Variants in E2F5 observed in about 807,000 individuals in gnomAD.
E2F5 encodes the protein E2F transcription factor 5, also known as transcription factor E2F5.
Under a neutral mutation model 39.1 loss-of-function variants are expected in E2F5, and 23 were observed. That is an observed-to-expected ratio of 0.59 (90% CI 0.42 to 0.83). E2F5 has a LOEUF of 0.83. Ranked by LOEUF, E2F5 falls within the 40% of genes least tolerant of loss-of-function variation. The pLI is 0.00. For missense variants in E2F5, 365 were observed against 406.7 expected (o/e 0.90, Z 0.88); for synonymous variants, 145 against 157.8 (o/e 0.92, Z 0.61).
At chr8:85,182,980 G>A (rs754934354) in intron 1 of E2F5, among the ~76,000 whole-genome samples, 5 of 152,166 alleles carry the variant, frequency 3.3e-5, no homozygotes, top group Non-Finnish European at 5.9e-5. Flanking sequence ...GGCCGGGCCC[G>A]GTGGTTCACG....
chr8:85,180,794 T>C (rs944933704), intron 1 of E2F5, among the ~76,000 whole-genome samples: 26 of 151,546 alleles, frequency 1.7e-4, no homozygotes, highest in Admixed American at 1.6e-3. Context: ...TTAGCCAGGA[T>C]GGTCTCGATC....
intron 1 of E2F5, among the ~76,000 whole-genome samples, chr8:85,184,723 CAGACAA>C (rs1812292153): frequency 6.6e-6 from 1 of 152,118 alleles, no homozygotes; most frequent in African/African-American, 2.4e-5. Context: ...ACACCAGTAA[CAGACAA>C]AGAGCCAAAT....
chr8:85,177,817 C>A, intron 1 of E2F5, 163 bp downstream of exon 1: 1 of 1,122,718 alleles, frequency 8.9e-7, no homozygotes, highest in South Asian at 4.5e-5. Flanking sequence ...GGGTCGTGGA[C>A]GCCGGGATGG....
At chr8:85,182,769 C>T (rs946920672) in intron 1 of E2F5, among the ~76,000 whole-genome samples, 5 of 152,120 alleles carry the variant, frequency 3.3e-5, no homozygotes, top group Non-Finnish European at 5.9e-5. Context: ...ATTTTGGTGT[C>T]AGTATGAGCT....
At chr8:85,211,398 G>A (rs572820380) in intron 6 of E2F5, among the ~76,000 whole-genome samples, 12 of 151,902 alleles carry the variant, frequency 7.9e-5, no homozygotes, top group African/African-American at 2.7e-4. Context: ...GCGAGATCCT[G>A]TCTCAAAATA....
chr8:85,177,447 G>A lies in E2F5; in HGVS notation c.27G>A (p.Ser9=), dbSNP rs1056259238. 1.0e-6 allele frequency: 1 copy of A among 994,754 alleles called. No homozygotes were observed. Among genetic ancestry groups the A allele is most frequent in the Non-Finnish European group, 1.2e-6 (1 of 837,398 alleles). The allele number at this position is 994,754 out of a possible 1,614,324, so 61.6% of individuals were successfully genotyped here. The change falls in exon 1 of 8, where the codon TCG becomes TCA. Residue 9 remains serine (S), a synonymous_variant. Transcript: ENST00000416274. ...TGGCGGCGGCAGAGCCCGCGAGCTC[G>A]GGCCAGCAGGCGCCGGCAGGGCAGG... The part of the protein sequence containing the change: MAAAEPAS[S]GQQAPAGQGQ...
At chr8:85,195,857 A>G (rs1231279778) in intron 1 of E2F5, among the ~76,000 whole-genome samples, 1 of 152,142 alleles carries the variant, frequency 6.6e-6, no homozygotes, top group Non-Finnish European at 1.5e-5. Context: ...TTAATAATTT[A>G]TAGGTTTCTG....
chr8:85,213,192 C>T (rs751660070), intron 7 of E2F5: 1 of 152,144 alleles, frequency 6.6e-6, no homozygotes, highest in East Asian at 1.9e-4. Flanking sequence ...GCCACTGCAC[C>T]TGGCCTCGTT....
chr8:85,203,559 G>T (rs1812738537), intron 3 of E2F5, among the ~76,000 whole-genome samples: 1 of 151,854 alleles, frequency 6.6e-6, no homozygotes, highest in Admixed American at 6.6e-5. Flanking sequence ...GGAAATCTGT[G>T]AATATTAGAA....
At chr8:85,211,609 C>CAGT (rs1423295500) in intron 6 of E2F5, among the ~76,000 whole-genome samples, 1 of 139,390 alleles carries the variant, frequency 7.2e-6, no homozygotes, top group African/African-American at 2.7e-5. Flanking sequence ...AAAACTGAGT[C>CAGT]AGTTTTGGTA....
chr8:85,214,195 CA>C lies in E2F5; in HGVS notation c.*335del. The C allele has an allele frequency of 1.9e-6, 1 of 535,236 alleles. No individual in the cohort carries two copies. The highest frequency in any genetic ancestry group is 4.8e-5 in the East Asian group (1 of 20,782). The allele number at this position is 535,236 out of a possible 1,614,324, so 33.2% of individuals were successfully genotyped here. On this transcript the variant is annotated 3_prime_UTR_variant, in exon 8 of 8. Coordinates refer to ENST00000416274, the MANE Select transcript of E2F5 (RefSeq NM_001951.4). ...AAAGGACACTACAGGTCATCAAAAA[CA>C]AGTTGGCCAAGGACTCATTACTTGT...
chr8:85,179,681 A>G (rs1159163723), intron 1 of E2F5, among the ~76,000 whole-genome samples: 1 of 150,762 alleles, frequency 6.6e-6, no homozygotes, highest in African/African-American at 2.4e-5. Flanking sequence ...CTTTTTTGAG[A>G]CGGAGTCTTG....
intron 4 of E2F5, 62 bp downstream of exon 4, chr8:85,206,282 C>A: frequency 6.7e-7 from 1 of 1,493,456 alleles, no homozygotes; most frequent in South Asian, 1.2e-5. Context: ...GAGGGTGATT[C>A]AGAATTCCCT....
At chr8:85,205,716 G>A (rs533973903) in intron 3 of E2F5, among the ~76,000 whole-genome samples, 13 of 152,266 alleles carry the variant, frequency 8.5e-5, no homozygotes, top group African/African-American at 2.9e-4. Flanking sequence ...CTTGCCTCCC[G>A]TCACTAGGAC....
chr8:85,213,786 C>T lies in E2F5; in HGVS notation c.965C>T (p.Ala322Val). The change falls in exon 8 of 8, where the codon GCA (alanine) becomes GTA (valine). Residue 322 changes from alanine to valine, a missense_variant. Physicochemically the swap from Ala to Val is moderately conservative, Grantham distance 64 (BLOSUM62 0). Coordinates refer to ENST00000416274, the MANE Select transcript of E2F5 (RefSeq NM_001951.4). ...CTCTTAAGGCTTTCTCCTACCCCGG[C>T]AGATGACTACAACTTTAATTTAGAT... Reference protein sequence around the residue: ...FPLLRLSPTPADDYNFNLDDN... With the variant: ...FPLLRLSPTPVDDYNFNLDDN... The T allele has an allele frequency of 6.2e-7, 1 of 1,613,152 alleles. No individual in the cohort carries two copies. Among genetic ancestry groups the T allele is most frequent in the Non-Finnish European group, 8.5e-7 (1 of 1,179,454 alleles).
chr8:85,182,630 T>A (rs1025497832), intron 1 of E2F5, among the ~76,000 whole-genome samples: 1 of 152,214 alleles, frequency 6.6e-6, no homozygotes, highest in African/African-American at 2.4e-5. Context: ...TAAATTAAAC[T>A]AGGATTTCAC....
chr8:85,202,470 TCTTA>T (rs1176968196), intron 2 of E2F5, among the ~76,000 whole-genome samples: 1 of 152,206 alleles, frequency 6.6e-6, no homozygotes, highest in African/African-American at 2.4e-5. Flanking sequence ...AAAATTCAAA[TCTTA>T]CTTTCTCCCT....
chr8:85,212,249 C>T (rs1047454731), intron 7 of E2F5, 45 bp downstream of exon 7: 22 of 1,344,572 alleles, frequency 1.6e-5, no homozygotes, highest in Non-Finnish European at 2.3e-5. Context: ...AGTAATGCTT[C>T]TGTGGAATTT....
At chr8:85,186,008 G>A (rs1372409864) in intron 1 of E2F5, among the ~76,000 whole-genome samples, 1 of 152,130 alleles carries the variant, frequency 6.6e-6, no homozygotes, top group Non-Finnish European at 1.5e-5. Context: ...CCTATTACTG[G>A]CTATACACCC....
Sources: allele counts gnomAD v4.1 joint callset (sites outside exome capture counted in the v4.1 genomes callset), GRCh38; gene constraint gnomAD v4.1.1; transcripts MANE v1.5; gene names NCBI Gene and HGNC (gene_info 2026-07-23, HGNC 2026-07-21).